TMEM106B: variants seen among roughly 807,000 people sequenced by gnomAD.
TMEM106B encodes the protein transmembrane protein 106B.
TMEM106B carries 15 observed loss-of-function variants against 31.1 expected under a neutral mutation model. That is an observed-to-expected ratio of 0.48 (90% confidence interval 0.32 to 0.74). The LOEUF is 0.74. Among genes scored for constraint, TMEM106B ranks in the 30% least tolerant of loss-of-function variants. The pLI is 0.03. For missense variants in TMEM106B, 283 were observed against 327.3 expected, an observed-to-expected ratio of 0.86 and a Z score of 1.04; for synonymous variants, 126 against 112.5, an observed-to-expected ratio of 1.12 and a Z score of -0.76.
intron 4 of TMEM106B, among the ~76,000 whole-genome samples, chr7:12,224,934 T>A (rs1034608968): frequency 6.6e-6 from 1 of 152,084 alleles, no homozygotes; most frequent in Non-Finnish European, 1.5e-5. Flanking sequence ...TTGTTACATA[T>A]GTATACAGGT....
intron 2 of TMEM106B, chr7:12,215,736 C>A: frequency 9.4e-6 from 2 of 212,728 alleles, no homozygotes; most frequent in South Asian, 6.9e-5. Context: ...ATTTTTAATT[C>A]ATTATCTAAA....
intron 4 of TMEM106B, among the ~76,000 whole-genome samples, chr7:12,227,793 G>A (rs1401027404): frequency 6.6e-6 from 1 of 151,482 alleles, no homozygotes; most frequent in Non-Finnish European, 1.5e-5. Context: ...ACTACTCTGA[G>A]CAACAAATGT....
chr7:12,236,390 A>T lies in TMEM106B; in HGVS notation c.*4415A>T, dbSNP rs1367585275. ...CAGACTCTAAATTGAAAAATGTAGT[A>T]TGATCTATATTTGACCCTAAAAATG... On this transcript the variant is annotated 3_prime_UTR_variant, in exon 8 of 8. Transcript: ENST00000396668. 1 of 151,960 alleles carries T rather than the reference A, an allele frequency of 6.6e-6. No individual in the cohort carries two copies. The highest frequency in any genetic ancestry group is 6.6e-5 in the Admixed American group (1 of 15,238). The allele number at this position is 151,960 out of a possible 1,614,324, so 9.4% of individuals were successfully genotyped here. A position where few individuals can be genotyped will look rare whatever the true frequency, so the allele number is the denominator to read the frequency against.
intron 4 of TMEM106B, among the ~76,000 whole-genome samples, chr7:12,225,032 G>C (rs865829978): frequency 2.6e-5 from 4 of 151,812 alleles, no homozygotes; most frequent in African/African-American, 4.8e-5. Flanking sequence ...TCCACCTCAC[G>C]ACAGGCCTCG....
intron 2 of TMEM106B, among the ~76,000 whole-genome samples, chr7:12,217,746 G>A (rs150352445): frequency 5.9e-5 from 9 of 152,116 alleles, no homozygotes; most frequent in African/African-American, 2.2e-4. Flanking sequence ...GGAAATAACA[G>A]AAGCATTTTA....
intron 3 of TMEM106B, among the ~76,000 whole-genome samples, chr7:12,222,870 C>T (rs1256389813): frequency 6.6e-6 from 1 of 152,128 alleles, no homozygotes; most frequent in African/African-American, 2.4e-5. Context: ...AAAATATCTG[C>T]AGGAGGCACT....
At chr7:12,226,505 C>T (rs1781904352) in intron 4 of TMEM106B, among the ~76,000 whole-genome samples, 1 of 151,984 alleles carries the variant, frequency 6.6e-6, no homozygotes, top group Non-Finnish European at 1.5e-5. Flanking sequence ...TATTGGCCAG[C>T]CATGAGATAT....
In TMEM106B at chr7:12,214,971, C is replaced by T; in HGVS notation, c.161C>T (p.Thr54Ile). ...DVSQFPYVEF[T>I]GRDSVTCPTC... is the part of the protein sequence containing the mutation. ...TCTCAGTTTCCATATGTGGAATTTA[C>T]AGGAAGAGATAGTGTCACCTGCCCT... Residue 54 changes from threonine (T) to isoleucine (I), a missense_variant, in exon 2 of 8, where the codon ACA becomes ATA. Coordinates refer to ENST00000396668, the MANE Select transcript of TMEM106B (RefSeq NM_001134232.2). 2 of 1,613,994 alleles carry T rather than the reference C, an allele frequency of 1.2e-6. No homozygotes were observed. Among genetic ancestry groups the T allele is most frequent in the Non-Finnish European group, 1.7e-6 (2 of 1,179,946 alleles).
chr7:12,212,154 A>C (rs754629410), intron 1 of TMEM106B, among the ~76,000 whole-genome samples: 3 of 152,176 alleles, frequency 2.0e-5, no homozygotes, highest in Non-Finnish European at 2.9e-5. Flanking sequence ...CATGGCAGCT[A>C]TTAGATTAGG....
intron 2 of TMEM106B, among the ~76,000 whole-genome samples, chr7:12,215,341 T>C (rs1048443763): frequency 6.6e-6 from 1 of 152,130 alleles, no homozygotes; most frequent in African/African-American, 2.4e-5. Context: ...GATGACATCA[T>C]AGTTACTTGC....
chr7:12,239,038 T>C lies in TMEM106B; in HGVS notation c.*7063T>C, dbSNP rs1338473997. On this transcript the variant is annotated 3_prime_UTR_variant, in exon 8 of 8. Coordinates refer to ENST00000396668, the MANE Select transcript of TMEM106B (RefSeq NM_001134232.2). ...TATGAAAGTTTTAGATGGCACCTTT[T>C]TGTAAAAGAAGGTTGTTTTATCTAC... The C allele has an allele frequency of 1.3e-5, 2 of 152,174 alleles. No individual in the cohort carries two copies. Among genetic ancestry groups the C allele is most frequent in the African/African-American group, 4.8e-5 (2 of 41,454 alleles). The allele number at this position is 152,174 out of a possible 1,614,324, so 9.4% of individuals were successfully genotyped here.
At chr7:12,230,675 T>G (rs1011525044) in intron 6 of TMEM106B, 1 of 349,892 alleles carries the variant, frequency 2.9e-6, no homozygotes, top group Non-Finnish European at 5.1e-6. Flanking sequence ...ACCATGTCAC[T>G]TTATTTTTCA....
rs922153706 is a variant in TMEM106B at position 12,237,185 on chromosome 7, T to C, written c.*5210T>C. 6.6e-6 allele frequency: 1 copy of C among 152,086 alleles called. No homozygotes were observed. The highest frequency in any genetic ancestry group is 6.6e-5 in the Admixed American group (1 of 15,252). The allele number at this position is 152,086 out of a possible 1,614,324, so 9.4% of individuals were successfully genotyped here. Reference sequence around the variant, plus strand: ...ATTTTTTTAATTCAGTTATAACTGTTACTCTTGTAGTTGTGTATGACGCAA... The same window carrying C: ...ATTTTTTTAATTCAGTTATAACTGTCACTCTTGTAGTTGTGTATGACGCAA... On this transcript the variant is annotated 3_prime_UTR_variant, in exon 8 of 8. Transcript: ENST00000396668.
intron 3 of TMEM106B, 31 bp downstream of exon 3, chr7:12,218,552 T>A: frequency 6.4e-7 from 1 of 1,566,412 alleles, no homozygotes; most frequent in Non-Finnish European, 8.7e-7. Context: ...GGCAGTGTTT[T>A]ATGTTTTATT....
At chr7:12,229,967 C>G (rs13237518) in intron 5 of TMEM106B, 148 bp downstream of exon 5, 14 of 891,276 alleles carry the variant, frequency 1.6e-5, no homozygotes, top group Non-Finnish European at 1.3e-5. Context: ...CTGTGATCCC[C>G]GCACCTTGGG....
intron 4 of TMEM106B, among the ~76,000 whole-genome samples, chr7:12,227,676 G>GTGC (rs1781928533): frequency 1.3e-5 from 2 of 151,642 alleles, no homozygotes; most frequent in Admixed American, 6.6e-5. Flanking sequence ...ATTTCTTTAG[G>GTGC]ATAAATTCCT....
At chr7:12,212,390 C>G (rs1781598743) in intron 1 of TMEM106B, among the ~76,000 whole-genome samples, 1 of 152,202 alleles carries the variant, frequency 6.6e-6, no homozygotes, top group African/African-American at 2.4e-5. Context: ...TAAGTCTTCC[C>G]TATCCTACCT....
At position 12,229,676 on chromosome 7, in the gene TMEM106B, TAGAACA is replaced by T; in HGVS notation, c.442-2_445del. On this transcript the variant is annotated splice_acceptor_variant and coding_sequence_variant, in exon 5 of 8. Coordinates refer to ENST00000396668, the MANE Select transcript of TMEM106B (RefSeq NM_001134232.2). LOFTEE classifies it high-confidence loss of function. ...GTAAATTTTCTGTGTCCTTTTTTTG[TAGAACA>T]CACTAAATATAACAAACAATAACTA... The T allele has an allele frequency of 6.4e-7, 1 of 1,554,864 alleles. No individual in the cohort carries two copies. The highest frequency in any genetic ancestry group is 1.4e-5 in the African/African-American group (1 of 72,286).
In TMEM106B at chr7:12,233,355, T is replaced by C. The variant is rs2128528414; in HGVS notation, c.*1380T>C. On this transcript the variant is annotated 3_prime_UTR_variant, in exon 8 of 8. Coordinates refer to ENST00000396668, the MANE Select transcript of TMEM106B (RefSeq NM_001134232.2). ...CTGGGTTGAGATTAATTTCGTTCTGTTTTCTCATGACAGAAATCAGGTTTC... is the reference window on the plus strand; with the variant it reads ...CTGGGTTGAGATTAATTTCGTTCTGCTTTCTCATGACAGAAATCAGGTTTC... 6.6e-6 allele frequency: 1 copy of C among 151,570 alleles called. No homozygotes were observed. Among genetic ancestry groups the C allele is most frequent in the South Asian group, 2.1e-4 (1 of 4,810 alleles). 9.4% of individuals were successfully genotyped at this position (151,570 alleles called of 1,614,324 possible).
Sources: allele counts gnomAD v4.1 joint callset (sites outside exome capture counted in the v4.1 genomes callset), GRCh38; gene constraint gnomAD v4.1.1; transcripts MANE v1.5; gene names NCBI Gene and HGNC (gene_info 2026-07-23, HGNC 2026-07-21).